Variants in CDYL2 observed in about 807,000 individuals in gnomAD.
CDYL2 encodes the protein chromodomain Y-like protein 2.
In CDYL2, 23 loss-of-function variants were observed where a neutral mutation model predicts 49.4. The ratio of observed to expected loss-of-function variants is 0.47; its 90% CI spans 0.34 to 0.66. The LOEUF (loss-of-function observed/expected upper bound fraction) is 0.66. Ranked by LOEUF, CDYL2 falls within the 30% of genes least tolerant of loss-of-function variation. The pLI is 0.01. For missense variants in CDYL2, 678 were observed against 656.4 expected, an observed-to-expected ratio of 1.03 and a Z score of -0.36; for synonymous variants, 360 against 268.8, an observed-to-expected ratio of 1.34 and a Z score of -3.32.
intron 1 of CDYL2, among the ~76,000 whole-genome samples, chr16:80,710,023 T>C (rs1366532084): frequency 1.3e-5 from 2 of 151,944 alleles, no homozygotes; most frequent in East Asian, 3.9e-4. Flanking sequence ...CGCCTTCCTG[T>C]TTCAAGTGAT....
intron 1 of CDYL2, among the ~76,000 whole-genome samples, chr16:80,742,839 G>A (rs74378821): frequency 0.022 from 3,316 of 150,846 alleles, 128 homozygotes; most frequent in African/African-American, 0.078. Flanking sequence ...GTGGTTGAGT[G>A]GATAAATGAG....
At chr16:80,653,714 T>A (rs1908684777) in intron 2 of CDYL2, among the ~76,000 whole-genome samples, 1 of 152,182 alleles carries the variant, frequency 6.6e-6, no homozygotes, top group African/African-American at 2.4e-5. Context: ...GTTACACTCT[T>A]TAAGCTATTA....
chr16:80,747,557 G>T (rs912668566), intron 1 of CDYL2, among the ~76,000 whole-genome samples: 1 of 152,156 alleles, frequency 6.6e-6, no homozygotes, highest in Non-Finnish European at 1.5e-5. Flanking sequence ...GTGAATAGTG[G>T]TAGTGGTGGT....
upstream of CDYL2, among the ~76,000 whole-genome samples, chr16:80,805,006 G>T (rs1908058081): frequency 6.6e-6 from 1 of 152,180 alleles, no homozygotes; most frequent in South Asian, 2.1e-4. Flanking sequence ...GAGGCCACAG[G>T]GAGGAAGGAT....
chr16:80,741,848 C>T (rs1905748012), intron 1 of CDYL2, among the ~76,000 whole-genome samples: 1 of 152,206 alleles, frequency 6.6e-6, no homozygotes, highest in Non-Finnish European at 1.5e-5. Flanking sequence ...GACTAATTTA[C>T]AACATTCCTG....
At position 80,628,843 on chromosome 16, in the gene CDYL2, A is replaced by AG. The variant is rs200569116; in HGVS notation, c.834+4175dup. On this transcript the variant is annotated intron_variant, in intron 3 of 6. Coordinates refer to ENST00000570137, the MANE Select transcript of CDYL2 (RefSeq NM_152342.4). ...CAAGAAGTTTACAGTCTAATGGAGG[A>AG]GGGGGGGGATATCAGACATTTAACA... Among the ~76,000 whole-genome samples, 88 of 151,940 alleles carry AG rather than the reference A, an allele frequency of 5.8e-4. No homozygotes were observed. In the East Asian group the frequency reaches 7.1e-3, roughly 12 times the overall value.
intron 1 of CDYL2, among the ~76,000 whole-genome samples, chr16:80,750,405 A>G (rs1906090860): frequency 6.6e-6 from 1 of 151,878 alleles, no homozygotes; most frequent in Admixed American, 6.6e-5. Flanking sequence ...TCCAAAAAAA[A>G]AAAAAATCAG....
intron 2 of CDYL2, among the ~76,000 whole-genome samples, chr16:80,653,035 G>C (rs943562746): frequency 6.6e-6 from 1 of 152,128 alleles, no homozygotes; most frequent in Non-Finnish European, 1.5e-5. Context: ...AATAATACTT[G>C]AATACCGGTT....
intron 2 of CDYL2, among the ~76,000 whole-genome samples, chr16:80,679,127 G>T (rs1909872542): frequency 9.4e-6 from 1 of 106,670 alleles, no homozygotes. Context: ...TGGGGGGAGG[G>T]GGGAGGGATA....
intron 1 of CDYL2, among the ~76,000 whole-genome samples, chr16:80,764,992 G>A (rs1355477801): frequency 2.1e-4 from 31 of 149,138 alleles, no homozygotes; most frequent in African/African-American, 7.2e-4. Flanking sequence ...CCTGGGAGGC[G>A]GAGCTTGCAG....
chr16:80,724,542 A>G (rs78173605), intron 1 of CDYL2, among the ~76,000 whole-genome samples: 143 of 152,322 alleles, frequency 9.4e-4, no homozygotes, highest in African/African-American at 3.3e-3. Context: ...ACCCACCTCA[A>G]GCACATAACA....
intron 3 of CDYL2, among the ~76,000 whole-genome samples, chr16:80,621,653 G>A (rs1907090022): frequency 6.6e-6 from 1 of 152,246 alleles, no homozygotes; most frequent in Non-Finnish European, 1.5e-5. Flanking sequence ...ATTCCTGGGA[G>A]GTAGTGATGA....
chr16:80,780,595 C>T (rs576253620), intron 1 of CDYL2, among the ~76,000 whole-genome samples: 9 of 151,620 alleles, frequency 5.9e-5, no homozygotes, highest in South Asian at 2.1e-4. Context: ...TTAGTAGAGA[C>T]GAGGTTTCAC....
chr16:80,764,826 C>T (rs1000686902), intron 1 of CDYL2, among the ~76,000 whole-genome samples: 5 of 151,714 alleles, frequency 3.3e-5, no homozygotes, highest in African/African-American at 9.7e-5. Flanking sequence ...TTTGTGAGGC[C>T]GAGGCAGGTG....
At chr16:80,798,122 C>T (rs1907821557) in intron 1 of CDYL2, among the ~76,000 whole-genome samples, 1 of 152,140 alleles carries the variant, frequency 6.6e-6, no homozygotes, top group Admixed American at 6.5e-5. Flanking sequence ...CTAACTGCAA[C>T]CTCTGCCTTC....
At chr16:80,777,696 G>A (rs1567603854) in intron 1 of CDYL2, among the ~76,000 whole-genome samples, 1 of 151,956 alleles carries the variant, frequency 6.6e-6, no homozygotes, top group Non-Finnish European at 1.5e-5. Flanking sequence ...TGAACATGCT[G>A]TCTAAATTGT....
In CDYL2 at chr16:80,601,430, T is replaced by A. The variant is rs1017460250; in HGVS notation, c.*2958A>T. ...CGGGGCTGCCAAAATGAGCCGCAAT[T>A]CCTCAAAGACCTGCCCAGGCTCTTG... On this transcript the variant is annotated 3_prime_UTR_variant, in exon 7 of 7. Coordinates refer to ENST00000570137, the MANE Select transcript of CDYL2 (RefSeq NM_152342.4). The A allele has an allele frequency of 6.6e-6, 1 of 152,096 alleles. No homozygotes were observed. The highest frequency in any genetic ancestry group is 2.4e-5 in the African/African-American group (1 of 41,390). The allele number at this position is 152,096 out of a possible 1,614,324, so 9.4% of individuals were successfully genotyped here. A position where few individuals can be genotyped will look rare whatever the true frequency, so the allele number is the denominator to read the frequency against.
intron 1 of CDYL2, among the ~76,000 whole-genome samples, chr16:80,727,310 G>A (rs530881326): frequency 6.6e-5 from 10 of 152,190 alleles, no homozygotes; most frequent in Admixed American, 1.3e-4. Flanking sequence ...AGGGAGTTCC[G>A]TTTCCTAGTC....
chr16:80,720,379 G>A (rs1416661514), intron 1 of CDYL2, among the ~76,000 whole-genome samples: 1 of 152,206 alleles, frequency 6.6e-6, no homozygotes, highest in East Asian at 1.9e-4. Flanking sequence ...TGCCATGACT[G>A]TGAACAGTCA....
Sources: gnomAD v4.1 joint callset for allele counts (sites outside exome capture counted in the v4.1 genomes callset) on GRCh38, gnomAD v4.1.1 for gene constraint, MANE v1.5 for transcripts, NCBI Gene and HGNC (gene_info 2026-07-23, HGNC 2026-07-21) for gene names.